Variants in MYOM1 observed in about 807,000 individuals in gnomAD.
MYOM1 encodes myomesin 1, also known as myomesin-1.
Under a neutral mutation model 205.3 loss-of-function variants are expected in MYOM1, and 164 were observed. That is an observed-to-expected ratio of 0.80 (90% CI 0.70 to 0.91). The LOEUF is 0.91. MYOM1 is among the 40% of genes least tolerant of loss of function. The pLI is 0.00. For synonymous variants in MYOM1, 772 were observed against 789.4 expected (o/e 0.98, Z 0.37); for missense variants, 2,011 against 2,127.3 (o/e 0.95, Z 1.08).
At chr18:3,200,057 C>A (rs1214974982) in intron 2 of MYOM1, among the ~76,000 whole-genome samples, 1 of 152,002 alleles carries the variant, frequency 6.6e-6, no homozygotes, top group Non-Finnish European at 1.5e-5. Flanking sequence ...ACACCTGCAG[C>A]CACACAGCAG....
intron 18 of MYOM1, 112 bp downstream of exon 18, chr18:3,129,120 A>G (rs866764365): frequency 8.8e-5 from 117 of 1,330,604 alleles, no homozygotes; most frequent in Middle Eastern, 2.7e-4. Flanking sequence ...AACACATACA[A>G]TAAGAATGGA....
chr18:3,181,452 T>C (rs936718905), intron 5 of MYOM1, among the ~76,000 whole-genome samples: 2 of 152,194 alleles, frequency 1.3e-5, no homozygotes, highest in African/African-American at 2.4e-5. Flanking sequence ...TGTAAATAAT[T>C]TGTGTTAACC....
Position 3,188,983 on chromosome 18 carries a change from G to T in MYOM1, c.536C>A (p.Thr179Lys), listed in dbSNP as rs1389550032. The change falls in exon 4 of 38, where the codon ACA becomes AAA. Residue 179 changes from threonine to lysine, a missense_variant. Coordinates refer to ENST00000356443, the MANE Select transcript of MYOM1 (RefSeq NM_003803.4). ...GGATGCCGTGGACTGTTTAGATGTT[G>T]TGATTCCTTCCTCACTAGCAAGAAG... ...RNLLASEEGI[T>K]TSKQSTASKQ... 6.2e-7 allele frequency: 1 copy of T among 1,613,464 alleles called. No individual in the cohort carries two copies. The highest frequency in any genetic ancestry group is 1.7e-5 in the Admixed American group (1 of 59,930).
rs752587435 is a variant in MYOM1 at position 3,215,159 on chromosome 18, A to AGGT, written c.64_65insACC (p.Val22delinsAspLeu). 8.1e-6 allele frequency: 13 copies of AGGT among 1,613,776 alleles called. No homozygotes were observed. In the East Asian group the frequency reaches 2.7e-4, roughly 33 times the overall value. ...CTGGTAGTGACTCACGGTGCTGCGC[A>AGGT]CGTCCTTGTTGCGGTAGCTGAGATC... On this transcript the variant is annotated protein_altering_variant, in exon 2 of 38. Transcript: ENST00000356443.
intron 16 of MYOM1, among the ~76,000 whole-genome samples, chr18:3,132,118 G>GTGTGTA (rs369243798): frequency 0.068 from 9,770 of 143,426 alleles, 538 homozygotes; most frequent in East Asian, 0.27. Flanking sequence ...ATATGTGTGT[G>GTGTGTA]TATATATATA....
chr18:3,156,917 C>A (rs1056267956), intron 10 of MYOM1, among the ~76,000 whole-genome samples: 2 of 152,196 alleles, frequency 1.3e-5, no homozygotes, highest in Non-Finnish European at 2.9e-5. Context: ...CGAGACACTT[C>A]TTTCCTTCCA....
At chr18:3,119,242 A>C (rs1423344414) in intron 20 of MYOM1, among the ~76,000 whole-genome samples, 3 of 152,086 alleles carry the variant, frequency 2.0e-5, no homozygotes, top group Non-Finnish European at 4.4e-5. Context: ...GAGTTTGGAA[A>C]ATGCTTAGAG....
chr18:3,183,232 A>G (rs2080764632), intron 5 of MYOM1, among the ~76,000 whole-genome samples: 1 of 152,152 alleles, frequency 6.6e-6, no homozygotes, highest in Non-Finnish European at 1.5e-5. Context: ...CCCGGCCTGT[A>G]ACTAACTTTT....
intron 10 of MYOM1, among the ~76,000 whole-genome samples, chr18:3,155,677 A>T (rs980089679): frequency 1.3e-5 from 2 of 152,204 alleles, no homozygotes; most frequent in African/African-American, 4.8e-5. Context: ...GAAAATTAAT[A>T]TAGAGATGCT....
In MYOM1 at chr18:3,213,243, T is replaced by C. The variant is rs180865458; in HGVS notation, c.290+1691A>G. 3.9e-3 allele frequency among the ~76,000 whole-genome samples: 599 copies of C among 152,338 alleles called. 8 individuals carry two copies. The highest frequency in any genetic ancestry group is 2.7e-3 in the Non-Finnish European group (181 of 68,040). ...AGATTCCCAGAGAAAACAGCTTTTC[T>C]AGTTGCCCTACCAGATATTTTGTGG... On this transcript the variant is annotated intron_variant, in intron 2 of 37. Transcript: ENST00000356443.
chr18:3,243,247 G>A, the MYOM1 span, among the ~76,000 whole-genome samples: 1 of 152,104 alleles, frequency 6.6e-6, no homozygotes, highest in Non-Finnish European at 1.5e-5. Flanking sequence ...CTGAATTAAA[G>A]GATTAATGCT....
At chr18:3,198,790 G>GAAAAAAAAAAAAAAAAAAAAA (rs796981410) in intron 2 of MYOM1, among the ~76,000 whole-genome samples, 1 of 95,702 alleles carries the variant, frequency 1.0e-5, no homozygotes, top group Non-Finnish European at 2.3e-5. Flanking sequence ...CTCAAAAAAA[G>GAAAAAAAAAAAAAAAAAAAAA]AAAAAAAAAA....
intron 29 of MYOM1, among the ~76,000 whole-genome samples, chr18:3,086,706 T>C (rs1490304304): frequency 6.6e-6 from 1 of 152,230 alleles, no homozygotes; most frequent in Non-Finnish European, 1.5e-5. Flanking sequence ...ATATCATCTA[T>C]TTCAAATGGA....
intron 16 of MYOM1, 59 bp downstream of exon 16, chr18:3,134,591 G>GT (rs1567925113): frequency 6.7e-7 from 1 of 1,501,406 alleles, no homozygotes; most frequent in African/African-American, 1.4e-5. Context: ...TCTGTGTGCC[G>GT]TATGTGTCTA....
rs1242723261 is a variant in MYOM1 at position 3,179,906 on chromosome 18, G to A, written c.930-3772C>T. ...CTAAGAAAAGCGCTGTGATACCAAC[G>A]GCTGTGACATGTGCTGTTTGACCAA... is the stretch of plus-strand genomic sequence containing the variant. On this transcript the variant is annotated intron_variant, in intron 5 of 37. Coordinates refer to ENST00000356443, the MANE Select transcript of MYOM1 (RefSeq NM_003803.4). The surrounding 1 kb of genome is among the most constrained non-coding windows in gnomAD (Gnocchi z 4.4). 1.3e-5 allele frequency among the ~76,000 whole-genome samples: 2 copies of A among 152,134 alleles called. No individual in the cohort carries two copies. Among genetic ancestry groups the A allele is most frequent in the South Asian group, 4.1e-4 (2 of 4,830 alleles).
chr18:3,135,178 G>T lies in MYOM1; in HGVS notation c.2210-354C>A. Reference sequence around the variant, plus strand: ...TTGGCCAGGCTGGTCTCAAACTCTTGGACTCAGGTGATCTGCCTGCCTCGG... The same window carrying T: ...TTGGCCAGGCTGGTCTCAAACTCTTTGACTCAGGTGATCTGCCTGCCTCGG... On this transcript the variant is annotated intron_variant, in intron 15 of 37. Transcript: ENST00000356443. This position sits in a 1 kb window ranked among gnomAD's most constrained non-coding sequence, Gnocchi z 4.1. The T allele has an allele frequency of 3.4e-6, 1 of 290,812 alleles. No homozygotes were observed. The highest frequency in any genetic ancestry group is 6.6e-6 in the Non-Finnish European group (1 of 152,600). 18.0% of individuals were successfully genotyped at this position (290,812 alleles called of 1,614,324 possible). A position where few individuals can be genotyped will look rare whatever the true frequency, so the allele number is the denominator to read the frequency against.
the MYOM1 span, among the ~76,000 whole-genome samples, chr18:3,240,384 G>C: frequency 6.6e-6 from 1 of 152,156 alleles, no homozygotes; most frequent in East Asian, 1.9e-4. Flanking sequence ...AATCATGGGG[G>C]CAGGTCTTTC....
chr18:3,212,611 A>G (rs1385674348), intron 2 of MYOM1, among the ~76,000 whole-genome samples: 2 of 152,216 alleles, frequency 1.3e-5, no homozygotes, highest in South Asian at 4.1e-4. Flanking sequence ...GGGAAATGAA[A>G]TAAGTACACA....
Position 3,174,240 on chromosome 18 carries a change from G to A in MYOM1, c.1023-32C>T, listed in dbSNP as rs78567624. The A allele has an allele frequency of 0.025, 38,649 of 1,574,880 alleles. 574 individuals are homozygous for A. Among genetic ancestry groups the A allele is most frequent in the Non-Finnish European group, 0.028 (32,366 of 1,146,046 alleles). ...GAACAGACGGAAATGAATATCCATC[G>A]TAGTGACAATCCTTGTAATTACTAG... On this transcript the variant is annotated intron_variant, in intron 6 of 37. Coordinates refer to ENST00000356443, the MANE Select transcript of MYOM1 (RefSeq NM_003803.4).
Sources: allele counts gnomAD v4.1 joint callset (sites outside exome capture counted in the v4.1 genomes callset), GRCh38; gene constraint gnomAD v4.1.1; non-coding constraint Gnocchi (gnomAD v3.1); transcripts MANE v1.5; gene names NCBI Gene and HGNC (gene_info 2026-07-23, HGNC 2026-07-21).